Variants in ZNF484 observed in about 807,000 individuals in gnomAD.
ZNF484 encodes the protein zinc finger protein 484.
Under a neutral mutation model 12.9 loss-of-function variants are expected in ZNF484, and 11 were observed. That is an observed-to-expected ratio of 0.85 (90% CI 0.54 to 1.41). ZNF484 has a LOEUF of 1.41. ZNF484 is among the 40% of genes most tolerant of loss of function. The pLI, the probability that ZNF484 is intolerant of heterozygous loss-of-function variation, is 0.00. For synonymous variants in ZNF484, 289 were observed against 334.1 expected (o/e 0.86, Z 1.47); for missense variants, 807 against 1,007.7 (o/e 0.80, Z 2.70).
chr9:92,848,100 C>T lies in ZNF484; in HGVS notation c.687G>A (p.Gly229=). The T allele has an allele frequency of 6.2e-7, 1 of 1,614,162 alleles. No homozygotes were observed. The highest frequency in any genetic ancestry group is 1.1e-5 in the South Asian group (1 of 91,082). The part of the protein sequence containing the change: ...EVTACECNQC[G]KPLHHKQALI... ...GAGCTTGCTTATGATGCAGAGGTTT[C>T]CCACATTGGTTACATTCACAAGCAG... Residue 229 remains glycine (G), a synonymous_variant, in exon 5 of 5, where the codon GGG becomes GGA. Transcript: ENST00000375495. The surrounding 1 kb of genome is among the most constrained non-coding windows in gnomAD (Gnocchi z 4.1).
rs1215508799 is a variant in ZNF484, at chr9:92,846,967, G to A, written c.1820C>T (p.Pro607Leu). The change falls in exon 5 of 5, where the codon CCC becomes CTC. Residue 607 changes from proline (P) to leucine (L), a missense_variant. By Grantham distance (98) the Pro-to-Leu change is moderately conservative. Transcript: ENST00000375495. Reference protein sequence around the residue: ...THERIHTGEKPYECSICGKSF... With the variant: ...THERIHTGEKLYECSICGKSF... ...TTTCCCACAAATACTGCATTCATAG[G>A]GTTTCTCTCCAGTATGAATTCTCTC... is the stretch of plus-strand genomic sequence containing the variant. 1.2e-6 allele frequency: 2 copies of A among 1,614,056 alleles called. No homozygotes were observed. Among genetic ancestry groups the A allele is most frequent in the South Asian group, 1.1e-5 (1 of 91,064 alleles).
Position 92,846,168 on chromosome 9 carries a change from G to C in ZNF484, c.*60C>G. 3 of 1,529,018 alleles carry C rather than the reference G, an allele frequency of 2.0e-6. No homozygotes were observed. In the South Asian group the frequency reaches 3.8e-5, roughly 20 times the overall value. The allele number at this position is 1,529,018 out of a possible 1,614,324, so 94.7% of individuals were successfully genotyped here. On this transcript the variant is annotated 3_prime_UTR_variant, in exon 5 of 5. Coordinates refer to ENST00000375495, the MANE Select transcript of ZNF484 (RefSeq NM_031486.4). Reference sequence around the variant, plus strand: ...ATACATTGCTTAAACACTCTCAAAAGTGTCTCCCCATATGTGTAACTACAC... The same window carrying C: ...ATACATTGCTTAAACACTCTCAAAACTGTCTCCCCATATGTGTAACTACAC...
In ZNF484 at chr9:92,844,245, T is replaced by C. The variant is rs777770192; in HGVS notation, c.*1983A>G. ...ATATAAAAATCACCATATGAGGAGA[T>C]AGGACATCAGCAAAATTCAAGAAAA... On this transcript the variant is annotated 3_prime_UTR_variant, in exon 5 of 5. Coordinates refer to ENST00000375495, the MANE Select transcript of ZNF484 (RefSeq NM_031486.4). 4.6e-5 allele frequency among the ~76,000 whole-genome samples: 7 copies of C among 152,174 alleles called. No homozygotes were observed. The highest frequency in any genetic ancestry group is 1.9e-4 in the East Asian group (1 of 5,198).
At chr9:92,866,340 A>G (rs1564113382) in intron 2 of ZNF484, among the ~76,000 whole-genome samples, 2 of 152,248 alleles carry the variant, frequency 1.3e-5, no homozygotes, top group Non-Finnish European at 2.9e-5. Context: ...GGATATGAAC[A>G]GACACTTCTC....
At position 92,846,937 on chromosome 9, in the gene ZNF484, A is replaced by G; in HGVS notation, c.1850T>C (p.Phe617Ser). ...PYECSICGKS[F>S]TKKSQLHVHQ... is the part of the protein sequence containing the mutation. ...TACGTGGAGCTGTGATTTCTTAGTG[A>G]AGGATTTCCCACAAATACTGCATTC... Residue 617 changes from phenylalanine to serine, a missense_variant, in exon 5 of 5, where the codon TTC (phenylalanine) becomes TCC (serine). Phe to Ser is a radical substitution (Grantham distance 155). Coordinates refer to ENST00000375495, the MANE Select transcript of ZNF484 (RefSeq NM_031486.4). The G allele has an allele frequency of 6.2e-7, 1 of 1,613,920 alleles. No individual in the cohort carries two copies. The highest frequency in any genetic ancestry group is 1.1e-5 in the South Asian group (1 of 91,060).
At chr9:92,865,108 T>C (rs1396458500) in intron 2 of ZNF484, among the ~76,000 whole-genome samples, 2 of 152,100 alleles carry the variant, frequency 1.3e-5, no homozygotes, top group Non-Finnish European at 2.9e-5. Context: ...CATACATGAA[T>C]GACAGTGTGA....
At position 92,868,728 on chromosome 9, in the gene ZNF484, C is replaced by T. The variant is rs79176277; in HGVS notation, c.15+6287G>A. Among the ~76,000 whole-genome samples, 6 of 152,028 alleles carry T rather than the reference C, an allele frequency of 3.9e-5. No individual in the cohort carries two copies. In the East Asian group the frequency reaches 9.6e-4, roughly 24 times the overall value. On this transcript the variant is annotated intron_variant, in intron 2 of 4. Coordinates refer to ENST00000375495, the MANE Select transcript of ZNF484 (RefSeq NM_031486.4). ...GGAGGTAGCAAGCTCTTCTCAACAACCAACTCTCACGGAACTCATAAGATT... is the reference window on the plus strand; with the variant it reads ...GGAGGTAGCAAGCTCTTCTCAACAATCAACTCTCACGGAACTCATAAGATT...
rs78638887 is a variant in ZNF484, at chr9:92,860,385, G to A, written c.16-4067C>T. Among the ~76,000 whole-genome samples the A allele has an allele frequency of 3.4e-3, 522 of 152,054 alleles. 1 individual carries two copies. The highest frequency in any genetic ancestry group is 0.011 in the African/African-American group (469 of 41,496). ...TGGGAGGCCGAGGCAGGTGGATCAC[G>A]AGGTCAGGAGATCGAGACCATCCTG... On this transcript the variant is annotated intron_variant, in intron 2 of 4. Coordinates refer to ENST00000375495, the MANE Select transcript of ZNF484 (RefSeq NM_031486.4).
In ZNF484 at chr9:92,847,251, A is replaced by G. The variant is rs778906281; in HGVS notation, c.1536T>C (p.Ile512=). ...GKAFTDRSNL[I]KHQKIHTGEK... is the part of the protein sequence containing the mutation. ...CTCCAGTATGAATTTTTTGGTGCTT[A>G]ATGAGATTTGACCTGTCAGTAAAGG... The change falls in exon 5 of 5, where the codon ATT becomes ATC. Residue 512 remains isoleucine, a synonymous_variant. Coordinates refer to ENST00000375495, the MANE Select transcript of ZNF484 (RefSeq NM_031486.4). The G allele has an allele frequency of 4.3e-6, 7 of 1,614,012 alleles. No homozygotes were observed. Among genetic ancestry groups the G allele is most frequent in the East Asian group, 4.5e-5 (2 of 44,886 alleles).
At chr9:92,866,828 C>G (rs550749225) in intron 2 of ZNF484, among the ~76,000 whole-genome samples, 2 of 152,292 alleles carry the variant, frequency 1.3e-5, no homozygotes, top group South Asian at 4.1e-4. Flanking sequence ...GGAATCAGAT[C>G]ACATCCTTTG....
Position 92,845,879 on chromosome 9 carries a change from T to C in ZNF484, c.*349A>G. ...ATTCACTTTCATTATAGACCTAAAT[T>C]GCCCTCTCTTTGCCTTGATCTCAGT... On this transcript the variant is annotated 3_prime_UTR_variant, in exon 5 of 5. Coordinates refer to ENST00000375495, the MANE Select transcript of ZNF484 (RefSeq NM_031486.4). This position sits in a 1 kb window ranked among gnomAD's most constrained non-coding sequence, Gnocchi z 4.0. 5.2e-6 allele frequency: 1 copy of C among 190,490 alleles called. No homozygotes were observed. The highest frequency in any genetic ancestry group is 1.1e-5 in the Non-Finnish European group (1 of 93,496). 11.8% of individuals were successfully genotyped at this position (190,490 alleles called of 1,614,324 possible).
Position 92,846,076 on chromosome 9 carries a change from C to G in ZNF484, c.*152G>C. ...AACAAGAAAGACTGCCAATCATCTC[C>G]TTGCACATTTACTATTATTTGCAGG... is the stretch of plus-strand genomic sequence containing the variant. On this transcript the variant is annotated 3_prime_UTR_variant, in exon 5 of 5. Transcript: ENST00000375495. 1 of 743,956 alleles carries G rather than the reference C, an allele frequency of 1.3e-6. No individual in the cohort carries two copies. The highest frequency in any genetic ancestry group is 2.7e-5 in the East Asian group (1 of 36,788). The allele number at this position is 743,956 out of a possible 1,614,324, so 46.1% of individuals were successfully genotyped here.
intron 2 of ZNF484, among the ~76,000 whole-genome samples, chr9:92,865,409 T>C (rs1343563237): frequency 2.0e-5 from 3 of 152,198 alleles, no homozygotes; most frequent in Admixed American, 6.5e-5. Flanking sequence ...TCTGAAAAAC[T>C]GTTCAATCAC....
At chr9:92,858,544 C>T (rs1856598458) in intron 2 of ZNF484, among the ~76,000 whole-genome samples, 1 of 151,976 alleles carries the variant, frequency 6.6e-6, no homozygotes, top group African/African-American at 2.4e-5. Flanking sequence ...CAAGTATTGA[C>T]TATGCAAAAC....
Position 92,846,735 on chromosome 9 carries a change from T to C in ZNF484, c.2052A>G (p.Gln684=). The change falls in exon 5 of 5, where the codon CAA becomes CAG. Residue 684 remains glutamine (Q), a synonymous_variant. Coordinates refer to ENST00000375495, the MANE Select transcript of ZNF484 (RefSeq NM_031486.4). ...TRKSGLHIHQ[Q]SHTGERHYEC... The stretch of plus-strand genomic sequence containing the variant: ...CATAATGCCTTTCTCCAGTATGGGA[T>C]TGCTGATGTATATGGAGACCTGACT... 6.2e-7 allele frequency: 1 copy of C among 1,613,640 alleles called. No homozygotes were observed. The highest frequency in any genetic ancestry group is 8.5e-7 in the Non-Finnish European group (1 of 1,179,860).
intron 2 of ZNF484, among the ~76,000 whole-genome samples, chr9:92,858,433 G>T (rs146944297): frequency 9.4e-4 from 143 of 152,146 alleles, no homozygotes; most frequent in African/African-American, 3.4e-3. Flanking sequence ...AAGTTAAAGA[G>T]GAGAGTGCAG....
chr9:92,865,413 C>T (rs1857012359), intron 2 of ZNF484, among the ~76,000 whole-genome samples: 1 of 152,186 alleles, frequency 6.6e-6, no homozygotes, highest in Non-Finnish European at 1.5e-5. Context: ...AAAAACTGTT[C>T]AATCACATTA....
intron 4 of ZNF484, among the ~76,000 whole-genome samples, chr9:92,849,551 T>G (rs145702010): frequency 0.05 from 7,541 of 152,130 alleles, 350 homozygotes; most frequent in East Asian, 0.23. Context: ...TGTGGGAGGC[T>G]GAGATGAGAG....
At chr9:92,865,573 G>A (rs991080755) in intron 2 of ZNF484, among the ~76,000 whole-genome samples, 1 of 152,076 alleles carries the variant, frequency 6.6e-6, no homozygotes, top group African/African-American at 2.4e-5. Flanking sequence ...ATACAAATTG[G>A]CGTAACAAAC....
Sources: gnomAD v4.1 joint callset for allele counts (sites outside exome capture counted in the v4.1 genomes callset) on GRCh38, gnomAD v4.1.1 for gene constraint, Gnocchi (gnomAD v3.1) non-coding constraint, MANE v1.5 for transcripts, NCBI Gene and HGNC (gene_info 2026-07-23, HGNC 2026-07-21) for gene names.